The following SMG1 variants were observed in gnomAD, a reference collection of about 807,000 sequenced individuals.
The protein encoded by SMG1 is serine/threonine-protein kinase SMG1.
Under a neutral mutation model 419.9 loss-of-function variants are expected in SMG1, and 22 were observed. The ratio of observed to expected loss-of-function variants is 0.05; its 90% confidence interval spans 0.04 to 0.07. SMG1 has a LOEUF of 0.07. Among genes scored for constraint, SMG1 ranks in the 10% least tolerant of loss-of-function variants. The probability of loss-of-function intolerance (pLI) is 1.00; values close to 1 mark genes in which losing one functional copy is unlikely to be tolerated. For synonymous variants in SMG1, 1,538 were observed against 1,553.5 expected, an observed-to-expected ratio of 0.99 and a Z score of 0.23; for missense variants, 3,185 against 4,342.0, an observed-to-expected ratio of 0.73 and a Z score of 7.49.
chr16:18,820,425 A>T (rs555016324), intron 55 of SMG1, among the ~76,000 whole-genome samples: 2 of 151,004 alleles, frequency 1.3e-5, no homozygotes, highest in East Asian at 3.9e-4. Context: ...GCTGGTCTCA[A>T]ACTCCTGGCC....
intron 23 of SMG1, 143 bp downstream of exon 23, chr16:18,866,477 GC>G: frequency 2.6e-6 from 2 of 764,810 alleles, no homozygotes; most frequent in Non-Finnish European, 4.4e-6. Flanking sequence ...AACTGAAGAC[GC>G]CTCCTGGTGA....
At chr16:18,873,221 A>C (rs1487808522) in intron 13 of SMG1, among the ~76,000 whole-genome samples, 2 of 152,126 alleles carry the variant, frequency 1.3e-5, no homozygotes, top group Middle Eastern at 3.4e-3. Context: ...TGTTCCAAGA[A>C]AACTTTCTTT....
rs1443945234 is a variant in SMG1 at position 18,890,896 on chromosome 16, A to G, written c.575T>C (p.Ile192Thr). The G allele has an allele frequency of 1.3e-6, 2 of 1,572,282 alleles. No individual in the cohort carries two copies. The highest frequency in any genetic ancestry group is 1.4e-5 in the African/African-American group (1 of 73,958). The part of the protein sequence containing the change: ...KLVLVKQLDN[I>T]LAAVHDVLNE... ...AAGCACGTCATGTACAGCAGCCAAG[A>G]TATTATCCAATTGTTTAACTAGTAC... Residue 192 changes from isoleucine (I) to threonine (T), a missense_variant, in exon 5 of 63, where the codon ATC becomes ACC. Around this residue, in one of 27 missense-constraint regions of SMG1, gnomAD observed 20 missense variants for 54.7 expected, o/e 0.37. Coordinates refer to ENST00000446231, the MANE Select transcript of SMG1 (RefSeq NM_015092.5).
rs2141246013 is a variant in SMG1 at position 18,834,450 on chromosome 16, A to G, written c.8331-12T>C. On this transcript the variant is annotated splice_polypyrimidine_tract_variant and intron_variant, in intron 49 of 62. Transcript: ENST00000446231. ...TCATCAGGTTACGCCTACAAGAGAT[A>G]AATATCTGTACAGTGAAACTTAAAT... 1 of 1,608,090 alleles carries G rather than the reference A, an allele frequency of 6.2e-7. No homozygotes were observed. The highest frequency in any genetic ancestry group is 2.2e-5 in the East Asian group (1 of 44,764).
chr16:18,810,048 A>C (rs1449039086), intron 62 of SMG1, among the ~76,000 whole-genome samples: 1 of 152,138 alleles, frequency 6.6e-6, no homozygotes, highest in African/African-American at 2.4e-5. Context: ...AATAGTGTTT[A>C]AAAGAAAAAA....
intron 1 of SMG1, among the ~76,000 whole-genome samples, chr16:18,923,175 T>G (rs1190588776): frequency 2.6e-5 from 4 of 152,204 alleles, no homozygotes; most frequent in Non-Finnish European, 2.9e-5. Flanking sequence ...GGAGGTATGC[T>G]TCTATGGAAC....
chr16:18,811,890 G>GT (rs761030643), intron 61 of SMG1, 23 bp from the exon 62 acceptor site: 53 of 1,613,204 alleles, frequency 3.3e-5, no homozygotes, highest in African/African-American at 3.2e-4. Flanking sequence ...AAAAACATAC[G>GT]TAAGTCAAAC....
intron 22 of SMG1, among the ~76,000 whole-genome samples, chr16:18,867,165 T>G (rs2035556700): frequency 6.6e-6 from 1 of 152,220 alleles, no homozygotes; most frequent in Non-Finnish European, 1.5e-5. Context: ...TTTTGTTATT[T>G]TTGGATTCCA....
At chr16:18,920,311 G>A (rs907993072) in intron 1 of SMG1, among the ~76,000 whole-genome samples, 5 of 151,594 alleles carry the variant, frequency 3.3e-5, no homozygotes, top group Admixed American at 3.3e-4. Flanking sequence ...GTACCTGGGA[G>A]GTGGAGGTTG....
At chr16:18,850,827 C>T (rs1285867188) in intron 33 of SMG1, among the ~76,000 whole-genome samples, 1 of 152,148 alleles carries the variant, frequency 6.6e-6, no homozygotes, top group African/African-American at 2.4e-5. Context: ...TCATGGCTCA[C>T]TGCAACCTCT....
At chr16:18,834,022 CA>C (rs1399076992) in intron 50 of SMG1, among the ~76,000 whole-genome samples, 181 bp downstream of exon 50, 1 of 151,764 alleles carries the variant, frequency 6.6e-6, no homozygotes, top group Non-Finnish European at 1.5e-5. Flanking sequence ...TATAAAAATT[CA>C]AAAAAACAAA....
chr16:18,869,582 A>AC (rs765678236), intron 19 of SMG1, among the ~76,000 whole-genome samples: 4 of 150,612 alleles, frequency 2.7e-5, no homozygotes, highest in Non-Finnish European at 4.4e-5. Flanking sequence ...GAATATCTCC[A>AC]CCCCCACCCC....
At position 18,858,236 on chromosome 16, in the gene SMG1, C is replaced by T. The variant is rs186804929; in HGVS notation, c.4168G>A (p.Val1390Met). 424 of 1,609,192 alleles carry T rather than the reference C, an allele frequency of 2.6e-4. No homozygotes were observed. The highest frequency in any genetic ancestry group is 3.3e-4 in the Non-Finnish European group (386 of 1,177,516). The change falls in exon 29 of 63, where the codon GTG (valine) becomes ATG (methionine). Residue 1390 changes from valine to methionine, a missense_variant. Physicochemically the swap from Val to Met is conservative, Grantham distance 21 (BLOSUM62 1). Around this residue, in one of 27 missense-constraint regions of SMG1, gnomAD observed 493 missense variants for 552.9 expected, o/e 0.89. Coordinates refer to ENST00000446231, the MANE Select transcript of SMG1 (RefSeq NM_015092.5). ...CTTAATGCCTGCATCCATGGCCTCA[C>T]GTCATGCTGTTTACATGAACGTAAA... ...EALRSCKQHDVRPWMQALRYT... is the reference protein window; with the variant it reads ...EALRSCKQHDMRPWMQALRYT...
In SMG1 at chr16:18,838,598, G is replaced by T. The variant is rs781293265; in HGVS notation, c.7037C>A (p.Thr2346Lys). The change falls in exon 43 of 63, where the codon ACG (threonine) becomes AAG (lysine). Residue 2346 changes from threonine (T) to lysine (K), a missense_variant. By Grantham distance (78) the Thr-to-Lys change is moderately conservative. Transcript: ENST00000446231. ...ATCTATGTGAACAACTTCTCCAGTC[G>T]TCATATCTATAAGAACATTATCCAG... ...RHLDNVLIDMTTGEVVHIDYN... is the reference protein window; with the variant it reads ...RHLDNVLIDMKTGEVVHIDYN... The T allele has an allele frequency of 1.2e-6, 2 of 1,613,256 alleles. No homozygotes were observed. Among genetic ancestry groups the T allele is most frequent in the Non-Finnish European group, 1.7e-6 (2 of 1,179,416 alleles).
At chr16:18,918,465 A>T (rs540170561) in intron 1 of SMG1, among the ~76,000 whole-genome samples, 1 of 152,266 alleles carries the variant, frequency 6.6e-6, no homozygotes, top group Admixed American at 6.5e-5. Context: ...TCTCCCCCAA[A>T]TTCACAGTGA....
At chr16:18,917,090 C>T (rs1015514139) in intron 1 of SMG1, among the ~76,000 whole-genome samples, 4 of 152,022 alleles carry the variant, frequency 2.6e-5, no homozygotes, top group Admixed American at 1.3e-4. Context: ...AAATGAGGGG[C>T]TTTTGCTTAT....
chr16:18,887,833 T>A (rs1157349538), intron 6 of SMG1, among the ~76,000 whole-genome samples: 1 of 115,104 alleles, frequency 8.7e-6, no homozygotes, highest in Non-Finnish European at 1.7e-5. Context: ...ACATCAATAC[T>A]ATAATTTAAT....
intron 1 of SMG1, among the ~76,000 whole-genome samples, chr16:18,901,192 T>C (rs1567445043): frequency 6.6e-6 from 1 of 152,194 alleles, no homozygotes; most frequent in Admixed American, 6.5e-5. Flanking sequence ...TAAGTGTCTA[T>C]AATAACCAAA....
chr16:18,874,588 G>A (rs954997290), intron 13 of SMG1, among the ~76,000 whole-genome samples: 5 of 148,488 alleles, frequency 3.4e-5, no homozygotes, highest in Non-Finnish European at 5.9e-5. Context: ...AAAGCAGGCT[G>A]GGCGCGGTGG....
Sources: gnomAD v4.1 joint callset for allele counts (sites outside exome capture counted in the v4.1 genomes callset) on GRCh38, gnomAD v4.1.1 for gene constraint, gnomAD v4.1.1 regional missense constraint, MANE v1.5 for transcripts, NCBI Gene and HGNC (gene_info 2026-07-23, HGNC 2026-07-21) for gene names.